The following ATF7 variants were observed in gnomAD, a reference collection of about 807,000 sequenced individuals.
ATF7 encodes the protein activating transcription factor 7, also known as cyclic AMP-dependent transcription factor ATF-7.
Under a neutral mutation model 50.4 loss-of-function variants are expected in ATF7, and 10 were observed. The observed-to-expected ratio is 0.20, with a 90% CI of 0.12 to 0.34. The LOEUF is 0.34. Among genes scored for constraint, ATF7 ranks in the 10% least tolerant of loss-of-function variants. ATF7 has a pLI of 1.00. For synonymous variants in ATF7, 201 were observed against 226.4 expected (o/e 0.89, Z 1.01); for missense variants, 465 against 613.9 (o/e 0.76, Z 2.56).
chr12:53,574,974 G>A (rs577746850), intron 2 of ATF7: 4,191 of 211,002 alleles, frequency 0.02, 63 homozygotes, highest in Middle Eastern at 0.035. Context: ...AAAAATTAAA[G>A]AAAAGAAAGC....
intron 1 of ATF7, among the ~76,000 whole-genome samples, chr12:53,611,201 T>G (rs188351928): frequency 1.5e-3 from 222 of 152,302 alleles, no homozygotes; most frequent in South Asian, 2.5e-3. Flanking sequence ...CTGGGTGTGG[T>G]GGCTCACACC....
intron 2 of ATF7, among the ~76,000 whole-genome samples, chr12:53,571,489 C>A (rs974500572): frequency 2.6e-5 from 4 of 151,948 alleles, no homozygotes; most frequent in African/African-American, 4.8e-5. Context: ...TAACCACAAA[C>A]CACTGTAACC....
At chr12:53,580,826 T>C (rs1942388029) in intron 2 of ATF7, among the ~76,000 whole-genome samples, 1 of 151,528 alleles carries the variant, frequency 6.6e-6, no homozygotes, top group Admixed American at 6.6e-5. Flanking sequence ...AAATTCTTAA[T>C]GCAGGCCAGG....
chr12:53,583,652 A>C (rs924003599), intron 2 of ATF7, among the ~76,000 whole-genome samples: 1 of 152,150 alleles, frequency 6.6e-6, no homozygotes, highest in African/African-American at 2.4e-5. Flanking sequence ...ATGACTTTTT[A>C]AATACAACAC....
chr12:53,543,662 G>A (rs1939706475), intron 3 of ATF7, among the ~76,000 whole-genome samples: 2 of 152,084 alleles, frequency 1.3e-5, no homozygotes, highest in African/African-American at 4.8e-5. Context: ...CCAGCAGGGG[G>A]AAGACCGAAC....
chr12:53,609,502 G>A (rs1161191830), intron 1 of ATF7, among the ~76,000 whole-genome samples: 1 of 151,260 alleles, frequency 6.6e-6, no homozygotes, highest in African/African-American at 2.4e-5. Context: ...GCCATGCACA[G>A]TGGTGTGTGC....
chr12:53,587,820 C>CATATATATATATATATATGT (rs1555222101), intron 2 of ATF7, among the ~76,000 whole-genome samples: 31 of 67,022 alleles, frequency 4.6e-4, no homozygotes, highest in African/African-American at 1.3e-3. Flanking sequence ...TATACTTCTA[C>CATATATATATATATATATGT]ATATATATAT....
At chr12:53,523,116 A>T in intron 11 of ATF7, 160 bp downstream of exon 11, 4 of 586,552 alleles carry the variant, frequency 6.8e-6, no homozygotes, top group South Asian at 4.3e-5. Flanking sequence ...CTACAAAAAC[A>T]TTTTTTTTCT....
intron 2 of ATF7, among the ~76,000 whole-genome samples, chr12:53,583,299 T>C (rs1942523964): frequency 6.6e-6 from 1 of 151,248 alleles, no homozygotes; most frequent in Non-Finnish European, 1.5e-5. Context: ...CTCAAAGGAG[T>C]CCCAACCCTA....
intron 2 of ATF7, among the ~76,000 whole-genome samples, chr12:53,592,491 A>G (rs548448375): frequency 1.3e-5 from 2 of 152,210 alleles, no homozygotes; most frequent in Non-Finnish European, 2.9e-5. Context: ...AGATTTTGAA[A>G]CAGAAAACCA....
intron 3 of ATF7, among the ~76,000 whole-genome samples, chr12:53,549,243 C>T (rs1211461825): frequency 4.8e-5 from 7 of 147,178 alleles, no homozygotes; most frequent in Non-Finnish European, 8.9e-5. Context: ...GCGGAGATCG[C>T]GCCACTGCAC....
At position 53,517,496 on chromosome 12, in the gene ATF7, G is replaced by A. The variant is rs186424395; in HGVS notation, c.1235-142C>T. 4.4e-4 allele frequency: 348 copies of A among 784,176 alleles called. 3 individuals carry two copies. In the East Asian group the frequency reaches 8.8e-3, roughly 20 times the overall value. The allele number at this position is 784,176 out of a possible 1,614,324, so 48.6% of individuals were successfully genotyped here. On this transcript the variant is annotated intron_variant, in intron 11 of 11. Coordinates refer to ENST00000420353, the MANE Select transcript of ATF7 (RefSeq NM_006856.3). ...TCTTTTTTTTGGGGAAAACTTCCCA[G>A]AATCCTGGCTTCTAAGTCATAAATG...
Position 53,620,358 on chromosome 12 carries a change from C to T in ATF7, c.-22+5921G>A, listed in dbSNP as rs1427464557. On this transcript the variant is annotated intron_variant, in intron 1 of 11. Coordinates refer to ENST00000420353, the MANE Select transcript of ATF7 (RefSeq NM_006856.3). ...TTGGGAGGCCGAGGCGGGCGGATCA[C>T]GAGGTCAGGAGATCGAGACCATCCT... Among the ~76,000 whole-genome samples the T allele has an allele frequency of 7.3e-5, 11 of 151,536 alleles. No homozygotes were observed. The South Asian group carries it at 8.3e-4, about 11-fold the overall frequency.
At chr12:53,509,315 G>A (rs1565906456), downstream of ATF7, among the ~76,000 whole-genome samples, 6 of 152,186 alleles carry the variant, frequency 3.9e-5, 1 homozygote, top group South Asian at 2.1e-4. Context: ...TGCCCCAGTC[G>A]GGGAACTTAC....
Position 53,515,204 on chromosome 12 carries a change from G to A in ATF7, c.*1933C>T, listed in dbSNP as rs1185049974. The A allele has an allele frequency of 1.3e-5, 2 of 152,224 alleles. No homozygotes were observed. The highest frequency in any genetic ancestry group is 4.8e-5 in the African/African-American group (2 of 41,452). 9.4% of individuals were successfully genotyped at this position (152,224 alleles called of 1,614,324 possible). On this transcript the variant is annotated 3_prime_UTR_variant, in exon 12 of 12. Transcript: ENST00000420353. ...TGTTCAGCACCAGCTCTGAAAAGCA[G>A]GAGGGGAAATTTAAAACAAATGCAG...
chr12:53,533,025 G>A lies in ATF7; in HGVS notation c.660+135C>T, dbSNP rs557477829. 6.1e-5 allele frequency: 46 copies of A among 752,094 alleles called. No homozygotes were observed. The Admixed American group carries it at 8.3e-4, about 14-fold the overall frequency. 46.6% of individuals were successfully genotyped at this position (752,094 alleles called of 1,614,324 possible). A position where few individuals can be genotyped will look rare whatever the true frequency, so the allele number is the denominator to read the frequency against. On this transcript the variant is annotated intron_variant, in intron 7 of 11. Transcript: ENST00000420353. The stretch of plus-strand genomic sequence containing the variant: ...TTGGCAGAGGTTAGTGAAGAGTTTA[G>A]GCAGGCTGCCATGCTCAGCTAATAT...
At chr12:53,596,041 G>A (rs148252700) in intron 2 of ATF7, among the ~76,000 whole-genome samples, 1 of 152,156 alleles carries the variant, frequency 6.6e-6, no homozygotes. Flanking sequence ...GCTCATGCCT[G>A]AAATCCCAGC....
chr12:53,588,296 T>G (rs61921130), intron 2 of ATF7, among the ~76,000 whole-genome samples: 2 of 152,186 alleles, frequency 1.3e-5, no homozygotes, highest in Non-Finnish European at 2.9e-5. Context: ...AAAGCAGATG[T>G]GTAGAGGTGC....
intron 2 of ATF7, among the ~76,000 whole-genome samples, chr12:53,579,380 C>T (rs1565973468): frequency 6.6e-6 from 1 of 151,850 alleles, no homozygotes; most frequent in Non-Finnish European, 1.5e-5. Context: ...AGTGAAATGC[C>T]ATCTCTACTA....
Sources: allele counts gnomAD v4.1 joint callset (sites outside exome capture counted in the v4.1 genomes callset), GRCh38; gene constraint gnomAD v4.1.1; transcripts MANE v1.5; gene names NCBI Gene and HGNC (gene_info 2026-07-23, HGNC 2026-07-21).